The following DLGAP1 variants were observed in gnomAD, a reference collection of about 807,000 sequenced individuals.
DLGAP1 encodes DLG associated protein 1.
A neutral mutation model predicts 90.8 loss-of-function variants in DLGAP1; 11 were observed. The observed-to-expected ratio is 0.12, with a 90% CI of 0.08 to 0.20. The LOEUF is 0.20. DLGAP1 is among the 10% of genes least tolerant of loss of function. The probability of loss-of-function intolerance (pLI) is 1.00; values close to 1 mark genes in which losing one functional copy is unlikely to be tolerated. For synonymous variants in DLGAP1, 558 were observed against 540.7 expected (o/e 1.03, Z -0.44); for missense variants, 1,050 against 1,333.8 (o/e 0.79, Z 3.31).
chr18:3,748,052 A>T (rs1359024999), intron 5 of DLGAP1, among the ~76,000 whole-genome samples: 1 of 152,248 alleles, frequency 6.6e-6, no homozygotes, highest in African/African-American at 2.4e-5. Context: ...CTCTCATGTT[A>T]CGTTAATTAT....
intron 1 of DLGAP1, among the ~76,000 whole-genome samples, chr18:4,207,659 G>A: frequency 6.6e-6 from 1 of 152,092 alleles, no homozygotes; most frequent in Non-Finnish European, 1.5e-5. Flanking sequence ...CTGCAGCCTT[G>A]GGAGAGGCCA....
chr18:4,451,438 T>C (rs544327608), intron 1 of DLGAP1, among the ~76,000 whole-genome samples: 11 of 152,176 alleles, frequency 7.2e-5, no homozygotes, highest in Non-Finnish European at 1.6e-4. Flanking sequence ...AACTGGTACC[T>C]GGTATCTCAT....
chr18:4,097,915 T>C (rs2075710436), intron 2 of DLGAP1, among the ~76,000 whole-genome samples: 2 of 152,206 alleles, frequency 1.3e-5, no homozygotes, highest in South Asian at 4.1e-4. Flanking sequence ...GCAGATTCTT[T>C]TCCTTTTTCT....
At chr18:3,752,248 A>T (rs756542387) in intron 5 of DLGAP1, among the ~76,000 whole-genome samples, 3 of 152,146 alleles carry the variant, frequency 2.0e-5, no homozygotes, top group Non-Finnish European at 4.4e-5. Flanking sequence ...TAAAGTGTGT[A>T]CTTCAGTGAT....
chr18:4,118,465 T>C (rs189568802), intron 2 of DLGAP1, among the ~76,000 whole-genome samples: 1 of 152,274 alleles, frequency 6.6e-6, no homozygotes, highest in East Asian at 1.9e-4. Context: ...AGGGCCTCAC[T>C]ATTCTCTCCT....
At chr18:4,242,540 G>A (rs11665220) in intron 1 of DLGAP1, among the ~76,000 whole-genome samples, 3,943 of 152,212 alleles carry the variant, frequency 0.026, 80 homozygotes, top group Non-Finnish European at 0.04. Context: ...AACTTTCTTT[G>A]GGAAGTGGCA....
chr18:3,499,027 CGG>C lies in DLGAP1; in HGVS notation c.*156_*157del. The C allele has an allele frequency of 1.6e-6, 1 of 613,496 alleles. No homozygotes were observed. Among genetic ancestry groups the C allele is most frequent in the Non-Finnish European group, 2.6e-6 (1 of 381,492 alleles). 38.0% of individuals were successfully genotyped at this position (613,496 alleles called of 1,614,324 possible). On this transcript the variant is annotated 3_prime_UTR_variant, in exon 13 of 13. Coordinates refer to ENST00000315677, the MANE Select transcript of DLGAP1 (RefSeq NM_004746.4). This position sits in a 1 kb window ranked among gnomAD's most constrained non-coding sequence, Gnocchi z 6.4. The stretch of plus-strand genomic sequence containing the variant: ...GGGAAGTGGGGGGCTGAGGGGGGCC[CGG>C]GGGGCGGCTCCTGCGAGGTGGACAA...
intron 7 of DLGAP1, chr18:3,606,758 G>T (rs2057345262): frequency 6.6e-6 from 1 of 152,146 alleles, no homozygotes; most frequent in Non-Finnish European, 1.5e-5. Flanking sequence ...AAAAGCACCT[G>T]CATTATTTTG....
intron 1 of DLGAP1, among the ~76,000 whole-genome samples, chr18:4,166,892 T>C (rs1386879164): frequency 6.6e-6 from 1 of 152,236 alleles, no homozygotes; most frequent in African/African-American, 2.4e-5. Context: ...GGAGGAAATG[T>C]TCTTGCTTGT....
chr18:4,421,093 C>T (rs2083018591), intron 1 of DLGAP1, among the ~76,000 whole-genome samples: 2 of 152,196 alleles, frequency 1.3e-5, no homozygotes, highest in South Asian at 2.1e-4. Context: ...AACCAGGTGT[C>T]TTAAAATAAC....
rs943166984 is a variant in DLGAP1 at position 3,841,654 on chromosome 18, GAAC to G, written c.958-27384_958-27382del. 5.3e-5 allele frequency among the ~76,000 whole-genome samples: 8 copies of G among 152,044 alleles called. No individual in the cohort carries two copies. The East Asian group carries it at 9.6e-4, about 18-fold the overall frequency. On this transcript the variant is annotated intron_variant, in intron 4 of 12. Coordinates refer to ENST00000315677, the MANE Select transcript of DLGAP1 (RefSeq NM_004746.4). ...CTCAGTTCTTTCATTTACAAAATGG[GAAC>G]AACAACACGAAGATTAAGGAAATTA...
intron 7 of DLGAP1, among the ~76,000 whole-genome samples, chr18:3,606,182 G>C (rs1011775595): frequency 6.6e-6 from 1 of 152,182 alleles, no homozygotes; most frequent in Non-Finnish European, 1.5e-5. Flanking sequence ...GTGCCAACCA[G>C]AACAAGCTCT....
At chr18:3,570,928 CA>C (rs71366686) in intron 8 of DLGAP1, among the ~76,000 whole-genome samples, 4,270 of 112,946 alleles carry the variant, frequency 0.038, 158 homozygotes, top group African/African-American at 0.12. Flanking sequence ...GACAGTGTCT[CA>C]AAAAAAAAAA....
At chr18:4,219,656 G>A (rs376298972) in intron 1 of DLGAP1, among the ~76,000 whole-genome samples, 38 of 151,910 alleles carry the variant, frequency 2.5e-4, no homozygotes, top group African/African-American at 8.2e-4. Context: ...TGATTTTTGT[G>A]TATGGTATTA....
intron 1 of DLGAP1, among the ~76,000 whole-genome samples, chr18:4,388,035 T>C (rs1287527482): frequency 6.6e-6 from 1 of 151,938 alleles, no homozygotes; most frequent in African/African-American, 2.4e-5. Context: ...GACTGTTCTC[T>C]ACAGGGACTG....
chr18:4,386,299 T>C (rs1466671467), intron 1 of DLGAP1, among the ~76,000 whole-genome samples: 1 of 152,176 alleles, frequency 6.6e-6, no homozygotes, highest in East Asian at 1.9e-4. Flanking sequence ...AGGCAGTGTC[T>C]TCTCAGAATA....
chr18:3,551,598 T>C, intron 9 of DLGAP1, among the ~76,000 whole-genome samples: 1 of 42,432 alleles, frequency 2.4e-5, no homozygotes, highest in Non-Finnish European at 8.1e-5. Context: ...TCTTTCTTTT[T>C]CTTTTTCTTT....
chr18:4,006,953 A>G (rs1396465818), intron 2 of DLGAP1, among the ~76,000 whole-genome samples: 1 of 152,122 alleles, frequency 6.6e-6, no homozygotes, highest in East Asian at 1.9e-4. Flanking sequence ...CAGACACTTC[A>G]TGGAACAATG....
rs150522772 is a variant in DLGAP1 at position 3,875,157 on chromosome 18, T to C, written c.957+3955A>G. On this transcript the variant is annotated intron_variant, in intron 4 of 12. Transcript: ENST00000315677. ...GTTTCATTGTTAGTCTAATTTCATA[T>C]CCATGCCCTCTTAACTTCTCACATG... Among the ~76,000 whole-genome samples the C allele has an allele frequency of 1.7e-3, 261 of 152,324 alleles. 1 individual carries two copies. Among genetic ancestry groups the C allele is most frequent in the African/African-American group, 6.0e-3 (250 of 41,590 alleles).
Sources: allele counts gnomAD v4.1 joint callset (sites outside exome capture counted in the v4.1 genomes callset), GRCh38; gene constraint gnomAD v4.1.1; non-coding constraint Gnocchi (gnomAD v3.1); transcripts MANE v1.5; gene names NCBI Gene and HGNC (gene_info 2026-07-23, HGNC 2026-07-21).